PTPRR: variants seen among roughly 807,000 people sequenced by gnomAD.
PTPRR encodes the protein protein tyrosine phosphatase receptor type R.
In PTPRR, 38 loss-of-function variants were observed where a neutral mutation model predicts 77.2. The ratio of observed to expected loss-of-function variants is 0.49; its 90% confidence interval spans 0.38 to 0.65. PTPRR has a LOEUF of 0.65. Ranked by LOEUF, PTPRR falls within the 30% of genes least tolerant of loss-of-function variation. The pLI, the probability that PTPRR is intolerant of heterozygous loss-of-function variation, is 0.00. For synonymous variants in PTPRR, 299 were observed against 283.1 expected (o/e 1.06, Z -0.57); for missense variants, 744 against 799.2 (o/e 0.93, Z 0.83).
chr12:70,919,522 G>T (rs1280762703), intron 1 of PTPRR, among the ~76,000 whole-genome samples: 1 of 152,066 alleles, frequency 6.6e-6, no homozygotes, highest in Non-Finnish European at 1.5e-5. Context: ...ACTTCCCAAG[G>T]TTTGCTTCCT....
chr12:70,841,069 G>T (rs1188209240), intron 2 of PTPRR, among the ~76,000 whole-genome samples: 1 of 149,556 alleles, frequency 6.7e-6, no homozygotes, highest in African/African-American at 2.5e-5. Flanking sequence ...TCTTGAGTTG[G>T]TCCAGGAGAA....
intron 2 of PTPRR, among the ~76,000 whole-genome samples, chr12:70,832,076 GAGA>G (rs1272150454): frequency 6.6e-6 from 1 of 152,234 alleles, no homozygotes; most frequent in Non-Finnish European, 1.5e-5. Flanking sequence ...AAGAATAACA[GAGA>G]AGAATTTCCT....
At chr12:70,687,818 A>G (rs1423049616) in intron 8 of PTPRR, among the ~76,000 whole-genome samples, 1 of 152,188 alleles carries the variant, frequency 6.6e-6, no homozygotes, top group Admixed American at 6.6e-5. Flanking sequence ...TGAACTTATC[A>G]AAATTCCTCC....
intron 6 of PTPRR, among the ~76,000 whole-genome samples, chr12:70,717,506 C>A (rs1889076086): frequency 6.6e-6 from 1 of 152,100 alleles, no homozygotes; most frequent in African/African-American, 2.4e-5. Flanking sequence ...GGGATAGGGT[C>A]ACCAAATTGA....
chr12:70,676,983 T>C (rs1887473298), intron 10 of PTPRR, among the ~76,000 whole-genome samples: 1 of 152,148 alleles, frequency 6.6e-6, no homozygotes, highest in Non-Finnish European at 1.5e-5. Context: ...AGGGAATGCA[T>C]TGAATCTATT....
chr12:70,796,471 T>C lies in PTPRR; in HGVS notation c.358-31693A>G, dbSNP rs373533522. On this transcript the variant is annotated intron_variant, in intron 2 of 13. Coordinates refer to ENST00000283228, the MANE Select transcript of PTPRR (RefSeq NM_002849.4). Reference sequence around the variant, plus strand: ...ATATGTGATTTATAAATATGTGTTTTGGTTTAACATAATCAGTACTTTTAT... The same window carrying C: ...ATATGTGATTTATAAATATGTGTTTCGGTTTAACATAATCAGTACTTTTAT... 3.9e-5 allele frequency among the ~76,000 whole-genome samples: 6 copies of C among 152,200 alleles called. No homozygotes were observed. In the South Asian group the frequency reaches 1.0e-3, roughly 26 times the overall value.
chr12:70,661,388 A>G (rs1291012638), intron 11 of PTPRR, among the ~76,000 whole-genome samples: 4 of 152,118 alleles, frequency 2.6e-5, no homozygotes, highest in African/African-American at 9.7e-5. Context: ...TTTATAATTT[A>G]TTATAATAAA....
At chr12:70,884,949 A>G (rs552539239) in intron 2 of PTPRR, among the ~76,000 whole-genome samples, 3 of 151,266 alleles carry the variant, frequency 2.0e-5, no homozygotes, top group Non-Finnish European at 4.4e-5. Context: ...TTCCTCAAAG[A>G]TAAGTTCTGA....
At chr12:70,646,648 C>A (rs960719900) in intron 13 of PTPRR, among the ~76,000 whole-genome samples, 2 of 152,100 alleles carry the variant, frequency 1.3e-5, no homozygotes, top group Admixed American at 1.3e-4. Context: ...TAAATCCACA[C>A]CAATTTCTAG....
chr12:70,858,578 T>C (rs1441536990), intron 2 of PTPRR, among the ~76,000 whole-genome samples: 1 of 152,044 alleles, frequency 6.6e-6, no homozygotes, highest in Non-Finnish European at 1.5e-5. Flanking sequence ...CTTTATCCTC[T>C]ATTTGATAGT....
intron 2 of PTPRR, among the ~76,000 whole-genome samples, chr12:70,832,993 C>G (rs188583961): frequency 2.6e-5 from 4 of 152,220 alleles, no homozygotes; most frequent in Admixed American, 2.6e-4. Flanking sequence ...CAGAAACTAT[C>G]TGAACTATTT....
chr12:70,815,975 A>G (rs1891895965), intron 2 of PTPRR, among the ~76,000 whole-genome samples: 1 of 152,066 alleles, frequency 6.6e-6, no homozygotes. Context: ...ATTGCGATGA[A>G]CATGAAATTA....
chr12:70,825,145 T>C (rs1368275606), intron 2 of PTPRR, among the ~76,000 whole-genome samples: 1 of 151,986 alleles, frequency 6.6e-6, no homozygotes, highest in African/African-American at 2.4e-5. Context: ...TAGCCAGGCG[T>C]GGTGGGCCTG....
intron 3 of PTPRR, among the ~76,000 whole-genome samples, chr12:70,762,995 A>G (rs1262337785): frequency 6.6e-6 from 1 of 152,122 alleles, no homozygotes; most frequent in African/African-American, 2.4e-5. Context: ...CCTAATATGT[A>G]TAAAAGTATA....
chr12:70,865,206 A>T (rs2137083438), intron 2 of PTPRR, among the ~76,000 whole-genome samples: 1 of 133,140 alleles, frequency 7.5e-6, no homozygotes, highest in East Asian at 2.2e-4. Flanking sequence ...TTGCCTTCTG[A>T]GAATGATCGT....
rs377587119 is a variant in PTPRR at position 70,788,983 on chromosome 12, C to A, written c.358-24205G>T. 79 of 1,004,348 alleles carry A rather than the reference C, an allele frequency of 7.9e-5. 1 individual carries two copies. The highest frequency in any genetic ancestry group is 2.4e-4 in the South Asian group (12 of 50,394). 62.2% of individuals were successfully genotyped at this position (1,004,348 alleles called of 1,614,324 possible). ...TGGAGGTAACCGCCTGGTACTGTTT[C>A]TAGAGACACTGCGGATCCCAGGTCT... On this transcript the variant is annotated intron_variant, in intron 2 of 13. Coordinates refer to ENST00000283228, the MANE Select transcript of PTPRR (RefSeq NM_002849.4).
intron 2 of PTPRR, among the ~76,000 whole-genome samples, chr12:70,886,311 G>A (rs549444824): frequency 3.3e-5 from 5 of 152,262 alleles, no homozygotes; most frequent in Admixed American, 1.3e-4. Flanking sequence ...CTAGTCTGGC[G>A]ATTATATAAG....
At chr12:70,708,353 G>A (rs1184859774) in intron 6 of PTPRR, among the ~76,000 whole-genome samples, 2 of 152,012 alleles carry the variant, frequency 1.3e-5, no homozygotes, top group African/African-American at 4.8e-5. Flanking sequence ...ACAGGAATTG[G>A]GGGGACTATA....
chr12:70,917,689 C>T (rs1893795455), intron 1 of PTPRR, among the ~76,000 whole-genome samples: 1 of 152,066 alleles, frequency 6.6e-6, no homozygotes, highest in Admixed American at 6.6e-5. Context: ...TCTTTTTCCC[C>T]CCGATGGTGT....
Sources: gnomAD v4.1 joint callset for allele counts (sites outside exome capture counted in the v4.1 genomes callset) on GRCh38, gnomAD v4.1.1 for gene constraint, MANE v1.5 for transcripts, NCBI Gene and HGNC (gene_info 2026-07-23, HGNC 2026-07-21) for gene names.